Variants in CACNA2D3 observed in about 807,000 individuals in gnomAD.
CACNA2D3 encodes the protein calcium voltage-gated channel auxiliary subunit alpha2delta 3, also known as voltage-dependent calcium channel subunit alpha-2/delta-3.
CACNA2D3 carries 60 observed loss-of-function variants against 160.6 expected under a neutral mutation model. The observed-to-expected ratio is 0.37, with a 90% confidence interval of 0.30 to 0.46. The LOEUF (loss-of-function observed/expected upper bound fraction) is 0.46, where lower values mean the gene tolerates loss of function less well. Ranked by LOEUF, CACNA2D3 falls within the 20% of genes least tolerant of loss-of-function variation. The pLI is 1.00. For synonymous variants in CACNA2D3, 558 were observed against 492.9 expected, an observed-to-expected ratio of 1.13 and a Z score of -1.75; for missense variants, 1,205 against 1,365.0, an observed-to-expected ratio of 0.88 and a Z score of 1.85.
intron 3 of CACNA2D3, among the ~76,000 whole-genome samples, chr3:54,347,793 C>T (rs548271578): frequency 6.6e-6 from 1 of 152,198 alleles, no homozygotes; most frequent in South Asian, 2.1e-4. Flanking sequence ...ACTGGTGCTT[C>T]CTTGCCTGAG....
chr3:54,913,978 T>C (rs545463366), intron 27 of CACNA2D3, among the ~76,000 whole-genome samples: 6 of 152,322 alleles, frequency 3.9e-5, no homozygotes, highest in Admixed American at 3.9e-4. Context: ...ATAATGGTGT[T>C]GTAATTGCCC....
chr3:54,180,757 G>A (rs1700768080), intron 2 of CACNA2D3, among the ~76,000 whole-genome samples: 1 of 152,206 alleles, frequency 6.6e-6, no homozygotes, highest in African/African-American at 2.4e-5. Flanking sequence ...TTGCCCTGCT[G>A]ATATCCTGGG....
intron 21 of CACNA2D3, among the ~76,000 whole-genome samples, chr3:54,881,231 G>A (rs1446587861): frequency 6.6e-6 from 1 of 152,106 alleles, no homozygotes; most frequent in Non-Finnish European, 1.5e-5. Flanking sequence ...CAGTACTTGG[G>A]AGAAATACAA....
chr3:54,575,332 A>G (rs1450950741), intron 8 of CACNA2D3, among the ~76,000 whole-genome samples: 3 of 152,232 alleles, frequency 2.0e-5, no homozygotes, highest in Middle Eastern at 3.2e-3. Context: ...TTTAAAACAT[A>G]GCCACTTACT....
intron 27 of CACNA2D3, among the ~76,000 whole-genome samples, chr3:54,956,088 CTCA>C (rs1701885217): frequency 6.6e-6 from 1 of 152,188 alleles, no homozygotes; most frequent in Admixed American, 6.5e-5. Flanking sequence ...CCCCTCCCTC[CTCA>C]TAATCACCTC....
At chr3:54,368,701 T>G (rs1698868510) in intron 3 of CACNA2D3, among the ~76,000 whole-genome samples, 1 of 118,484 alleles carries the variant, frequency 8.4e-6, no homozygotes, top group Non-Finnish European at 1.7e-5. Context: ...TTCTTTTTTT[T>G]TTTTTTTTTT....
At chr3:54,969,184 A>T (rs1015620889) in intron 28 of CACNA2D3, among the ~76,000 whole-genome samples, 1 of 152,134 alleles carries the variant, frequency 6.6e-6, no homozygotes, top group Non-Finnish European at 1.5e-5. Flanking sequence ...AATTAATTAC[A>T]TAATTGTATT....
chr3:54,879,550 C>A, intron 20 of CACNA2D3, 139 bp downstream of exon 20: 1 of 642,424 alleles, frequency 1.6e-6, no homozygotes, highest in Non-Finnish European at 2.6e-6. Flanking sequence ...GAGGAAGGGG[C>A]TTTTCCCAGG....
chr3:54,917,680 C>A (rs1322278972), intron 27 of CACNA2D3, among the ~76,000 whole-genome samples: 1 of 152,188 alleles, frequency 6.6e-6, no homozygotes, highest in Admixed American at 6.5e-5. Flanking sequence ...GGTTCCAATC[C>A]CTTGGTGGAT....
At chr3:54,663,954 C>T (rs926165291) in intron 11 of CACNA2D3, among the ~76,000 whole-genome samples, 4 of 152,240 alleles carry the variant, frequency 2.6e-5, no homozygotes, top group African/African-American at 9.6e-5. Context: ...CTGCGCTCGC[C>T]TTCATGTGTG....
chr3:54,728,560 A>G (rs1330789143), intron 11 of CACNA2D3, among the ~76,000 whole-genome samples: 1 of 151,744 alleles, frequency 6.6e-6, no homozygotes, highest in Non-Finnish European at 1.5e-5. Flanking sequence ...CTTGACTTTT[A>G]GTTATCTGGC....
intron 11 of CACNA2D3, among the ~76,000 whole-genome samples, chr3:54,681,925 C>T (rs571073061): frequency 1.1e-4 from 17 of 152,166 alleles, no homozygotes; most frequent in East Asian, 3.9e-4. Flanking sequence ...TCAAGTGATC[C>T]GCCTGCCTCC....
At position 55,065,734 on chromosome 3, in the gene CACNA2D3, A is replaced by T. The variant is rs569552209; in HGVS notation, c.2988-7711A>T. On this transcript the variant is annotated intron_variant, in intron 35 of 37. Transcript: ENST00000474759. ...GAGGTGGGGGGAAGGGAAGGAAAGG[A>T]AGGAAAGGGAAGGAAAGGAAGGAAA... 1.9e-3 allele frequency among the ~76,000 whole-genome samples: 283 copies of T among 151,486 alleles called. 1 individual carries two copies. The highest frequency in any genetic ancestry group is 6.8e-3 in the Middle Eastern group (2 of 294).
At chr3:55,024,810 T>C (rs994048397) in intron 35 of CACNA2D3, among the ~76,000 whole-genome samples, 4 of 152,188 alleles carry the variant, frequency 2.6e-5, no homozygotes, top group African/African-American at 4.8e-5. Flanking sequence ...CTTTCCACAG[T>C]CTAATGTTAT....
At chr3:54,305,663 C>T (rs1703581951) in intron 2 of CACNA2D3, among the ~76,000 whole-genome samples, 1 of 152,262 alleles carries the variant, frequency 6.6e-6, no homozygotes, top group Non-Finnish European at 1.5e-5. Flanking sequence ...CATTCACACA[C>T]TGAAGGACTT....
chr3:54,311,583 C>G (rs1412403404), intron 2 of CACNA2D3, among the ~76,000 whole-genome samples: 1 of 152,202 alleles, frequency 6.6e-6, no homozygotes, highest in Non-Finnish European at 1.5e-5. Context: ...AGTAACATAC[C>G]TCTACTGCAG....
At chr3:54,265,527 A>T (rs1702483706) in intron 2 of CACNA2D3, among the ~76,000 whole-genome samples, 1 of 123,628 alleles carries the variant, frequency 8.1e-6, no homozygotes, top group African/African-American at 3.6e-5. Context: ...CAGAACTTAA[A>T]GTATGTGTGT....
At chr3:54,691,020 T>C (rs1279348054) in intron 11 of CACNA2D3, among the ~76,000 whole-genome samples, 2 of 152,098 alleles carry the variant, frequency 1.3e-5, no homozygotes, top group African/African-American at 4.8e-5. Flanking sequence ...GGTTGAGCTT[T>C]TCTCTGATTG....
At chr3:54,230,389 A>G (rs1701747952) in intron 2 of CACNA2D3, among the ~76,000 whole-genome samples, 1 of 152,206 alleles carries the variant, frequency 6.6e-6, no homozygotes, top group South Asian at 2.1e-4. Context: ...ATGTTTTGCA[A>G]CCTCATAAGA....
Sources: gnomAD v4.1 joint callset for allele counts (sites outside exome capture counted in the v4.1 genomes callset) on GRCh38, gnomAD v4.1.1 for gene constraint, MANE v1.5 for transcripts, NCBI Gene and HGNC (gene_info 2026-07-23, HGNC 2026-07-21) for gene names.